Variants in POLH observed in about 807,000 individuals in gnomAD.
The protein encoded by POLH is DNA polymerase eta.
POLH carries 53 observed loss-of-function variants against 73.6 expected under a neutral mutation model. That is an observed-to-expected ratio of 0.72 (90% CI 0.58 to 0.91). The LOEUF is 0.91. Among genes scored for constraint, POLH ranks in the 40% least tolerant of loss-of-function variants. The probability of loss-of-function intolerance (pLI) is 0.00; values close to 1 mark genes in which losing one functional copy is unlikely to be tolerated. For missense variants in POLH, 768 were observed against 865.4 expected (o/e 0.89, Z 1.41); for synonymous variants, 292 against 308.5 (o/e 0.95, Z 0.56).
Position 43,614,532 on chromosome 6 carries a change from C to G in POLH, c.2117C>G (p.Ser706Ter). ...CCTGAGGGCATGCAAACATTGGAAT[C>G]ATTTTTTAAGCCATTAACACATTAG... is the stretch of plus-strand genomic sequence containing the variant. ...PRPEGMQTLESFFKPLTH is the reference protein window; with the variant it reads ...PRPEGMQTLE The change falls in exon 11 of 11, where the codon TCA (serine) becomes TGA (stop). Residue 706 changes from serine (S) to a stop codon, truncating the protein, a stop_gained. Transcript: ENST00000372236. LOFTEE classifies it high-confidence loss of function. 1 of 1,613,884 alleles carries G rather than the reference C, an allele frequency of 6.2e-7. No homozygotes were observed. Among genetic ancestry groups the G allele is most frequent in the East Asian group, 2.2e-5 (1 of 44,888 alleles).
At position 43,614,475 on chromosome 6, in the gene POLH, G is replaced by T. The variant is rs565348391; in HGVS notation, c.2060G>T (p.Ser687Ile). ...VSHQGKRNPKSPLACTNKRPR... is the reference protein window; with the variant it reads ...VSHQGKRNPKIPLACTNKRPR... ...CATCAAGGCAAAAGAAATCCCAAGA[G>T]CCCTTTGGCCTGCACTAATAAACGC... Residue 687 changes from serine (S) to isoleucine (I), a missense_variant, in exon 11 of 11, where the codon AGC becomes ATC. Transcript: ENST00000372236. The T allele has an allele frequency of 6.7e-5, 108 of 1,614,116 alleles. 1 individual carries two copies. The South Asian group carries it at 1.2e-3, about 18-fold the overall frequency.
At chr6:43,608,209 T>C (rs1310377533) in intron 9 of POLH, among the ~76,000 whole-genome samples, 1 of 152,210 alleles carries the variant, frequency 6.6e-6, no homozygotes, top group East Asian at 1.9e-4. Flanking sequence ...TTTTAACATG[T>C]CCCTTGTCAG....
chr6:43,594,664 G>T (rs1765844572), intron 4 of POLH, among the ~76,000 whole-genome samples: 1 of 152,194 alleles, frequency 6.6e-6, no homozygotes, highest in Non-Finnish European at 1.5e-5. Flanking sequence ...CTGCACTCTA[G>T]CCTGGGCAAC....
intron 7 of POLH, 75 bp from the exon 8 acceptor site, chr6:43,604,540 A>G: frequency 1.3e-6 from 2 of 1,487,762 alleles, no homozygotes; most frequent in Non-Finnish European, 1.9e-6. Context: ...GGGCAATATA[A>G]TATAGTTATT....
chr6:43,577,880 C>G (rs1038148245), intron 1 of POLH, among the ~76,000 whole-genome samples: 1 of 147,538 alleles, frequency 6.8e-6, no homozygotes, highest in Admixed American at 6.8e-5. Flanking sequence ...GTCAGGAGAT[C>G]GAGACCATCC....
At chr6:43,582,051 G>A (rs923035437) in intron 1 of POLH, among the ~76,000 whole-genome samples, 7 of 152,180 alleles carry the variant, frequency 4.6e-5, no homozygotes, top group Admixed American at 4.6e-4. Flanking sequence ...GTAGGTTTAG[G>A]ATTTTTGGAT....
In POLH at chr6:43,614,066, T is replaced by TC. The variant is rs1480661335; in HGVS notation, c.1657dup (p.Gln553ProfsTer9). The stretch of plus-strand genomic sequence containing the variant: ...ACAGCTTAATAATTCTTCAGTTTCT[T>TC]CCCCCCAACAAAACCCATGGTCCAA... On this transcript the variant is annotated frameshift_variant, in exon 11 of 11. Coordinates refer to ENST00000372236, the MANE Select transcript of POLH (RefSeq NM_006502.3). LOFTEE classifies it high-confidence loss of function. 6 of 1,614,070 alleles carry TC rather than the reference T, an allele frequency of 3.7e-6. No homozygotes were observed. Among genetic ancestry groups the TC allele is most frequent in the Admixed American group, 1.7e-5 (1 of 60,002 alleles).
At chr6:43,577,398 T>C (rs1325417871) in intron 1 of POLH, among the ~76,000 whole-genome samples, 1 of 152,236 alleles carries the variant, frequency 6.6e-6, no homozygotes, top group Non-Finnish European at 1.5e-5. Context: ...CAATACTATT[T>C]GTTGGCTCAG....
At chr6:43,583,775 G>A (rs1764521299) in intron 3 of POLH, among the ~76,000 whole-genome samples, 1 of 152,172 alleles carries the variant, frequency 6.6e-6, no homozygotes, top group Non-Finnish European at 1.5e-5. Context: ...TTGTTATAAG[G>A]TAGGTACTAA....
chr6:43,597,551 A>C, intron 4 of POLH, 145 bp from the exon 5 acceptor site: 1 of 704,604 alleles, frequency 1.4e-6, no homozygotes, highest in South Asian at 1.7e-5. Context: ...GAGCTCTCTT[A>C]TAATTGGTCT....
chr6:43,619,342 G>C lies in POLH; in HGVS notation c.*4785G>C, dbSNP rs1483197693. Among the ~76,000 whole-genome samples the C allele has an allele frequency of 1.2e-4, 16 of 135,978 alleles. No homozygotes were observed. Among genetic ancestry groups the C allele is most frequent in the Non-Finnish European group, 2.0e-4 (13 of 64,984 alleles). 89.2% of individuals were successfully genotyped at this position (135,978 alleles called of 152,430 possible). A position where few individuals can be genotyped will look rare whatever the true frequency, so the allele number is the denominator to read the frequency against. ...ATTGTGCCGCTGCACTCCAGCCTGG[G>C]TGACAGTCTGAGACCCTGTCTCAAA... On this transcript the variant is annotated 3_prime_UTR_variant, in exon 11 of 11. Transcript: ENST00000372236.
intron 1 of POLH, among the ~76,000 whole-genome samples, chr6:43,580,678 A>T (rs1449160279): frequency 9.8e-6 from 1 of 102,296 alleles, no homozygotes; most frequent in African/African-American, 4.4e-5. Flanking sequence ...TGACCCCCCC[A>T]CCTCCCTCCC....
At chr6:43,608,802 CTGTTTA>C in intron 9 of POLH, among the ~76,000 whole-genome samples, 1 of 152,342 alleles carries the variant, frequency 6.6e-6, no homozygotes, top group South Asian at 2.1e-4. Flanking sequence ...TATCACTTCA[CTGTTTA>C]AAACATTCCA....
chr6:43,614,556 A>T lies in POLH; in HGVS notation c.2141A>T (p.Ter714LeuextTer8). The T allele has an allele frequency of 6.2e-7, 1 of 1,612,516 alleles. No homozygotes were observed. Among genetic ancestry groups the T allele is most frequent in the Non-Finnish European group, 8.5e-7 (1 of 1,179,092 alleles). The change falls in exon 11 of 11, where the codon TAG (stop) becomes TTG (leucine). Residue 714 changes from the stop codon to leucine (L), a stop_lost. Coordinates refer to ENST00000372236, the MANE Select transcript of POLH (RefSeq NM_006502.3). ...TCATTTTTTAAGCCATTAACACATT[A>T]GTGCTGCCCTCAGGCTTGCCTGTAG... is the stretch of plus-strand genomic sequence containing the variant. ...LESFFKPLTH[*>L]
intron 1 of POLH, among the ~76,000 whole-genome samples, chr6:43,579,463 T>C (rs960840809): frequency 4.6e-5 from 7 of 152,180 alleles, no homozygotes; most frequent in African/African-American, 1.7e-4. Context: ...AGCTGCTGGA[T>C]AGGAGCAAAA....
rs1000846289 is a variant in POLH, at chr6:43,616,010, C to T, written c.*1453C>T. ...GATTTTAAGAAAAACTTCTCTTGGCCGGGCGCAGTGGCTCACGCCTGCAAT... is the reference window on the plus strand; with the variant it reads ...GATTTTAAGAAAAACTTCTCTTGGCTGGGCGCAGTGGCTCACGCCTGCAAT... On this transcript the variant is annotated 3_prime_UTR_variant, in exon 11 of 11. Coordinates refer to ENST00000372236, the MANE Select transcript of POLH (RefSeq NM_006502.3). 8.6e-5 allele frequency among the ~76,000 whole-genome samples: 13 copies of T among 151,860 alleles called. No individual in the cohort carries two copies. Among genetic ancestry groups the T allele is most frequent in the African/African-American group, 1.9e-4 (8 of 41,378 alleles).
intron 6 of POLH, 38 bp downstream of exon 6, chr6:43,601,129 C>A: frequency 7.2e-7 from 1 of 1,381,474 alleles, no homozygotes; most frequent in Non-Finnish European, 1.0e-6. Flanking sequence ...TCACTTCTAT[C>A]CATGTGTAGA....
intron 6 of POLH, among the ~76,000 whole-genome samples, chr6:43,602,154 A>G (rs1372191761): frequency 6.6e-6 from 1 of 152,246 alleles, no homozygotes; most frequent in African/African-American, 2.4e-5. Flanking sequence ...TAAGTAACAA[A>G]TAGGAATTTT....
intron 10 of POLH, among the ~76,000 whole-genome samples, 155 bp from the exon 11 acceptor site, chr6:43,613,505 G>T (rs1768111802): frequency 6.6e-6 from 1 of 152,200 alleles, no homozygotes; most frequent in Admixed American, 6.5e-5. Context: ...CTGCAGTAAA[G>T]AATAATTTCT....
Sources: allele counts gnomAD v4.1 joint callset (sites outside exome capture counted in the v4.1 genomes callset), GRCh38; gene constraint gnomAD v4.1.1; transcripts MANE v1.5; gene names NCBI Gene and HGNC (gene_info 2026-07-23, HGNC 2026-07-21).